Variants in SFMBT2 observed in about 807,000 individuals in gnomAD.
The protein encoded by SFMBT2 is Scm like with four mbt domains 2.
In SFMBT2, 38 loss-of-function variants were observed where a neutral mutation model predicts 110.1. The observed-to-expected ratio is 0.35, with a 90% CI of 0.27 to 0.45. The LOEUF (loss-of-function observed/expected upper bound fraction) is 0.45. Ranked by LOEUF, SFMBT2 falls within the 20% of genes least tolerant of loss-of-function variation. SFMBT2 has a pLI of 1.00. For synonymous variants in SFMBT2, 425 were observed against 425.4 expected, an observed-to-expected ratio of 1.00 and a Z score of 0.01; for missense variants, 1,011 against 1,094.9, an observed-to-expected ratio of 0.92 and a Z score of 1.08.
intron 11 of SFMBT2, among the ~76,000 whole-genome samples, chr10:7,218,912 T>C (rs189114763): frequency 7.0e-4 from 107 of 152,326 alleles, no homozygotes; most frequent in Admixed American, 5.8e-3. Flanking sequence ...CTTACTGCTG[T>C]TTCTGTTAGG....
chr10:7,273,565 C>T (rs1374982976), intron 7 of SFMBT2, among the ~76,000 whole-genome samples: 4 of 152,172 alleles, frequency 2.6e-5, no homozygotes, highest in Non-Finnish European at 5.9e-5. Context: ...TGTTGGTGTA[C>T]CGCACCCATT....
intron 11 of SFMBT2, chr10:7,214,549 T>G (rs1030388188): frequency 3.9e-5 from 38 of 985,128 alleles, no homozygotes; most frequent in Non-Finnish European, 4.6e-5. Flanking sequence ...TAAATACCTA[T>G]GAGGAAATTC....
At chr10:7,345,874 A>G (rs970885431) in intron 4 of SFMBT2, among the ~76,000 whole-genome samples, 2 of 152,200 alleles carry the variant, frequency 1.3e-5, no homozygotes, top group Non-Finnish European at 2.9e-5. Flanking sequence ...CGACACAGAC[A>G]CTAGCTGGAA....
At chr10:7,323,283 C>T (rs148195659) in intron 4 of SFMBT2, among the ~76,000 whole-genome samples, 23 of 151,818 alleles carry the variant, frequency 1.5e-4, no homozygotes, top group Non-Finnish European at 2.6e-4. Flanking sequence ...AACTCCGTCT[C>T]TACTAAAAAT....
intron 20 of SFMBT2, among the ~76,000 whole-genome samples, chr10:7,168,548 TGCAACCAAACCTGCGTGATCAGC>T (rs1318008837): frequency 6.6e-6 from 1 of 152,232 alleles, no homozygotes; most frequent in Non-Finnish European, 1.5e-5. Context: ...TACGCATCAG[TGCAACCAAACCTGCGTGATCAGC>T]GCAACCAAAC....
Position 7,367,049 on chromosome 10 carries a change from T to C in SFMBT2, c.436+600A>G, listed in dbSNP as rs1844930962. 6.6e-6 allele frequency among the ~76,000 whole-genome samples: 1 copy of C among 152,126 alleles called. No homozygotes were observed. Among genetic ancestry groups the C allele is most frequent in the Admixed American group, 6.5e-5 (1 of 15,282 alleles). ...TGAGACCAATGTCATTTCTCTCATCTGTATGGTTTTCTTTCTTTCTTTTTT... is the reference window on the plus strand; with the variant it reads ...TGAGACCAATGTCATTTCTCTCATCCGTATGGTTTTCTTTCTTTCTTTTTT... On this transcript the variant is annotated intron_variant, in intron 4 of 20. Transcript: ENST00000397167. This position sits in a 1 kb window ranked among gnomAD's most constrained non-coding sequence, Gnocchi z 6.2.
At chr10:7,318,256 T>A (rs770365305) in intron 4 of SFMBT2, among the ~76,000 whole-genome samples, 6 of 152,238 alleles carry the variant, frequency 3.9e-5, no homozygotes, top group Admixed American at 3.9e-4. Context: ...AACCTTTTTT[T>A]CTCTCATTAT....
intron 11 of SFMBT2, among the ~76,000 whole-genome samples, chr10:7,212,881 C>G (rs927004638): frequency 6.6e-6 from 1 of 152,128 alleles, no homozygotes; most frequent in African/African-American, 2.4e-5. Flanking sequence ...ACACATACAC[C>G]ATGGAATACT....
At chr10:7,358,394 T>C (rs1209158405) in intron 4 of SFMBT2, among the ~76,000 whole-genome samples, 1 of 152,008 alleles carries the variant, frequency 6.6e-6, no homozygotes, top group East Asian at 1.9e-4. Flanking sequence ...AACATCTGCA[T>C]GGCCCTGTGA....
At chr10:7,252,869 C>G (rs144437803) in intron 7 of SFMBT2, among the ~76,000 whole-genome samples, 1 of 152,136 alleles carries the variant, frequency 6.6e-6, no homozygotes, top group African/African-American at 2.4e-5. Context: ...GGACCCTAAA[C>G]AGCTTCAGGG....
rs114473362 is a variant in SFMBT2, at chr10:7,385,083, A to G, written c.-51-3134T>C. Among the ~76,000 whole-genome samples, 766 of 152,336 alleles carry G rather than the reference A, an allele frequency of 5.0e-3. 5 individuals are homozygous for G. The highest frequency in any genetic ancestry group is 0.018 in the African/African-American group (734 of 41,570). On this transcript the variant is annotated intron_variant, in intron 1 of 20. Coordinates refer to ENST00000397167, the MANE Select transcript of SFMBT2 (RefSeq NM_001387889.1). ...TTCACCTGGATTGCCCCTGGCATGC[A>G]GGGAGCGAGCACTGAGGCACTCTGT... is the stretch of plus-strand genomic sequence containing the variant.
chr10:7,330,658 T>A (rs959888563), intron 4 of SFMBT2, among the ~76,000 whole-genome samples: 8 of 152,146 alleles, frequency 5.3e-5, no homozygotes, highest in Non-Finnish European at 1.0e-4. Context: ...TCTCTCTCTT[T>A]CTTCCTCTCT....
chr10:7,290,436 G>C (rs1246128488), intron 4 of SFMBT2, among the ~76,000 whole-genome samples: 1 of 152,156 alleles, frequency 6.6e-6, no homozygotes, highest in African/African-American at 2.4e-5. Context: ...AAGGAATCAT[G>C]AACTTGGGTT....
At chr10:7,206,107 T>G (rs529341906) in intron 11 of SFMBT2, 179 bp from the exon 12 acceptor site, 4 of 985,398 alleles carry the variant, frequency 4.1e-6, no homozygotes. Flanking sequence ...TCTTTAATCT[T>G]ATCAGAGACA....
At chr10:7,355,584 G>A (rs1056135712) in intron 4 of SFMBT2, among the ~76,000 whole-genome samples, 5 of 152,140 alleles carry the variant, frequency 3.3e-5, no homozygotes, top group Admixed American at 6.5e-5. Context: ...AGGCCGAGGC[G>A]GCTGGATCAC....
At chr10:7,379,539 G>A (rs968662307) in intron 2 of SFMBT2, among the ~76,000 whole-genome samples, 1 of 152,138 alleles carries the variant, frequency 6.6e-6, no homozygotes, top group Admixed American at 6.5e-5. Flanking sequence ...TGCTTTAAAT[G>A]TGTGTCCTCT....
intron 7 of SFMBT2, among the ~76,000 whole-genome samples, chr10:7,253,748 T>C (rs1840894666): frequency 6.6e-6 from 1 of 151,452 alleles, no homozygotes; most frequent in Admixed American, 6.6e-5. Flanking sequence ...AGAAATAAAT[T>C]TGGAAACTAT....
chr10:7,325,890 T>G (rs567755502), intron 4 of SFMBT2, among the ~76,000 whole-genome samples: 1 of 152,374 alleles, frequency 6.6e-6, no homozygotes, highest in East Asian at 1.9e-4. Context: ...GTGGGTGAAT[T>G]GCATAGTATG....
At chr10:7,202,675 G>C (rs1010607842) in intron 12 of SFMBT2, 153 bp from the exon 13 acceptor site, 1 of 985,152 alleles carries the variant, frequency 1.0e-6, no homozygotes, top group South Asian at 4.7e-5. Context: ...TTTCCTATCA[G>C]TTTCTTCTAG....
Sources: gnomAD v4.1 joint callset for allele counts (sites outside exome capture counted in the v4.1 genomes callset) on GRCh38, gnomAD v4.1.1 for gene constraint, Gnocchi (gnomAD v3.1) non-coding constraint, MANE v1.5 for transcripts, NCBI Gene and HGNC (gene_info 2026-07-23, HGNC 2026-07-21) for gene names.